The following TNR variants were observed in gnomAD, a reference collection of about 807,000 sequenced individuals.
The protein encoded by TNR is tenascin-R.
A neutral mutation model predicts 150.4 loss-of-function variants in TNR; 45 were observed. The ratio of observed to expected loss-of-function variants is 0.30; its 90% confidence interval spans 0.24 to 0.38. The LOEUF is 0.38. TNR is among the 10% of genes least tolerant of loss of function. The probability of loss-of-function intolerance (pLI) is 1.00; values close to 1 mark genes in which losing one functional copy is unlikely to be tolerated. For missense variants in TNR, 1,544 were observed against 1,759.1 expected (o/e 0.88, Z 2.19); for synonymous variants, 687 against 678.4 (o/e 1.01, Z -0.20).
chr1:175,722,775 T>TTATATA (rs147425200), intron 1 of TNR, among the ~76,000 whole-genome samples: 3,291 of 148,324 alleles, frequency 0.022, 44 homozygotes, highest in South Asian at 0.055. Flanking sequence ...CCTATTTTTG[T>TTATATA]TATATATATA....
At chr1:175,331,016 T>TCTTTCTTTCTTA (rs1649738340) in intron 20 of TNR, among the ~76,000 whole-genome samples, 1 of 58,674 alleles carries the variant, frequency 1.7e-5, no homozygotes, top group Admixed American at 2.2e-4. Context: ...TTTCTTTCTT[T>TCTTTCTTTCTTA]CTTTCTTTCT....
intron 2 of TNR, among the ~76,000 whole-genome samples, chr1:175,439,696 C>T (rs973976862): frequency 9.9e-5 from 15 of 152,100 alleles, no homozygotes; most frequent in African/African-American, 3.4e-4. Context: ...CAAACAACCC[C>T]ATCAGAAAGT....
At chr1:175,608,721 T>A (rs1323149872) in intron 1 of TNR, among the ~76,000 whole-genome samples, 3 of 151,966 alleles carry the variant, frequency 2.0e-5, no homozygotes, top group African/African-American at 7.3e-5. Flanking sequence ...AATAGGAGAT[T>A]AAGAGGAAAT....
chr1:175,316,004 A>G lies in TNR; in HGVS notation c.*7353T>C, dbSNP rs1225644110. 1 of 152,236 alleles carries G rather than the reference A, an allele frequency of 6.6e-6. No individual in the cohort carries two copies. The highest frequency in any genetic ancestry group is 2.4e-5 in the African/African-American group (1 of 41,454). 9.4% of individuals were successfully genotyped at this position (152,236 alleles called of 1,614,324 possible). On this transcript the variant is annotated 3_prime_UTR_variant, in exon 23 of 23. Coordinates refer to ENST00000367674, the MANE Select transcript of TNR (RefSeq NM_003285.3). ...TTGCAGGAATTGAAGTGTCTATTGC[A>G]TCTAATGCACAGGTGTCACTGCTGC...
chr1:175,685,558 A>G (rs1044504201), intron 1 of TNR, among the ~76,000 whole-genome samples: 1 of 152,120 alleles, frequency 6.6e-6, no homozygotes, highest in Non-Finnish European at 1.5e-5. Context: ...ATTCTCTCAA[A>G]TGGGTGTCCA....
chr1:175,431,935 C>CTCT (rs1309974175), intron 2 of TNR, among the ~76,000 whole-genome samples: 1 of 151,652 alleles, frequency 6.6e-6, no homozygotes, highest in African/African-American at 2.4e-5. Flanking sequence ...CTCTCTCTCT[C>CTCT]CCTCTGTCTC....
At chr1:175,627,710 C>T (rs963105263) in intron 1 of TNR, among the ~76,000 whole-genome samples, 2 of 151,888 alleles carry the variant, frequency 1.3e-5, no homozygotes, top group Non-Finnish European at 2.9e-5. Flanking sequence ...ACCCACCCCA[C>T]CCCCAAAATG....
intron 1 of TNR, among the ~76,000 whole-genome samples, chr1:175,725,864 G>A (rs1371052604): frequency 6.6e-6 from 1 of 152,224 alleles, no homozygotes; most frequent in Non-Finnish European, 1.5e-5. Flanking sequence ...ACCTAGGACA[G>A]TTCCTGAAGC....
chr1:175,603,594 T>G (rs889416579), intron 1 of TNR, among the ~76,000 whole-genome samples: 5 of 152,234 alleles, frequency 3.3e-5, no homozygotes, highest in African/African-American at 1.2e-4. Flanking sequence ...GGAAGAGTGA[T>G]GCTAGTGGTT....
chr1:175,571,623 A>G (rs77006271), intron 1 of TNR, among the ~76,000 whole-genome samples: 2 of 152,202 alleles, frequency 1.3e-5, no homozygotes, highest in Non-Finnish European at 2.9e-5. Flanking sequence ...ATCTGGATGC[A>G]TGACTTTGCC....
intron 2 of TNR, among the ~76,000 whole-genome samples, chr1:175,524,684 A>G (rs1474694132): frequency 6.6e-6 from 1 of 152,128 alleles, no homozygotes; most frequent in Non-Finnish European, 1.5e-5. Context: ...AAATTGAGCA[A>G]GCTCTTTATA....
rs994073667 is a variant in TNR, at chr1:175,319,407, T to C, written c.*3950A>G. Reference sequence around the variant, plus strand: ...GATTCCACAATGACTTTTTGTCCCTTAATCTACAGCTCTGCTCTGAGACTG... The same window carrying C: ...GATTCCACAATGACTTTTTGTCCCTCAATCTACAGCTCTGCTCTGAGACTG... On this transcript the variant is annotated 3_prime_UTR_variant, in exon 23 of 23. Transcript: ENST00000367674. 2 of 152,256 alleles carry C rather than the reference T, an allele frequency of 1.3e-5. No homozygotes were observed. The highest frequency in any genetic ancestry group is 2.9e-5 in the Non-Finnish European group (2 of 68,054). The allele number at this position is 152,256 out of a possible 1,614,324, so 9.4% of individuals were successfully genotyped here.
chr1:175,615,399 A>G (rs772267089), intron 1 of TNR, among the ~76,000 whole-genome samples: 3 of 152,162 alleles, frequency 2.0e-5, no homozygotes, highest in Non-Finnish European at 4.4e-5. Flanking sequence ...TTAAACATGT[A>G]TTGGGAGAGG....
At chr1:175,699,073 C>G (rs1263781960) in intron 1 of TNR, among the ~76,000 whole-genome samples, 1 of 152,098 alleles carries the variant, frequency 6.6e-6, no homozygotes, top group East Asian at 1.9e-4. Context: ...GTGATGGAGA[C>G]AGGGGAAGTG....
At chr1:175,565,191 C>T (rs536176424) in intron 1 of TNR, among the ~76,000 whole-genome samples, 1 of 152,342 alleles carries the variant, frequency 6.6e-6, no homozygotes, top group Admixed American at 6.5e-5. Context: ...CCAAGCCAGA[C>T]ATTTTGTTTC....
At chr1:175,733,316 G>A (rs1479521830) in intron 1 of TNR, among the ~76,000 whole-genome samples, 4 of 152,178 alleles carry the variant, frequency 2.6e-5, no homozygotes, top group Non-Finnish European at 4.4e-5. Context: ...AAGAAATAGC[G>A]AAAGCAGTGG....
intron 2 of TNR, among the ~76,000 whole-genome samples, chr1:175,492,332 C>T (rs1658295368): frequency 1.3e-5 from 2 of 152,200 alleles, no homozygotes; most frequent in African/African-American, 4.8e-5. Flanking sequence ...CATTTGCTTG[C>T]ATACAGCTGT....
rs1005357344 is a variant in TNR at position 175,523,103 on chromosome 1, G to A, written c.-64+5166C>T. Among the ~76,000 whole-genome samples, 4 of 152,062 alleles carry A rather than the reference G, an allele frequency of 2.6e-5. No individual in the cohort carries two copies. The East Asian group carries it at 5.8e-4, about 22-fold the overall frequency. On this transcript the variant is annotated intron_variant, in intron 2 of 22. Transcript: ENST00000367674. ...GCATATTTCTCAATATTTGTACATG[G>A]TTTTCATATTCAATCAATACAATCA... is the stretch of plus-strand genomic sequence containing the variant.
At chr1:175,417,877 C>T (rs1235685994) in intron 2 of TNR, among the ~76,000 whole-genome samples, 2 of 152,034 alleles carry the variant, frequency 1.3e-5, no homozygotes, top group African/African-American at 2.4e-5. Context: ...ATTGGATAGC[C>T]ATTCGTTTCT....
Sources: gnomAD v4.1 joint callset for allele counts (sites outside exome capture counted in the v4.1 genomes callset) on GRCh38, gnomAD v4.1.1 for gene constraint, MANE v1.5 for transcripts, NCBI Gene and HGNC (gene_info 2026-07-23, HGNC 2026-07-21) for gene names.